Variants in LDLRAD4 observed in about 807,000 individuals in gnomAD.
LDLRAD4 encodes the protein low-density lipoprotein receptor class A domain-containing protein 4.
In LDLRAD4, 5 loss-of-function variants were observed where a neutral mutation model predicts 17.0. The ratio of observed to expected loss-of-function variants is 0.29; its 90% CI spans 0.15 to 0.62. The LOEUF (loss-of-function observed/expected upper bound fraction) is 0.62. Ranked by LOEUF, LDLRAD4 falls within the 20% of genes least tolerant of loss-of-function variation. The pLI, the probability that LDLRAD4 is intolerant of heterozygous loss-of-function variation, is 0.84. For synonymous variants in LDLRAD4, 168 were observed against 171.8 expected, an observed-to-expected ratio of 0.98 and a Z score of 0.17; for missense variants, 340 against 424.7, an observed-to-expected ratio of 0.80 and a Z score of 1.75.
At chr18:13,227,652 A>G (rs2041878382) in intron 1 of LDLRAD4, among the ~76,000 whole-genome samples, 1 of 152,234 alleles carries the variant, frequency 6.6e-6, no homozygotes, top group Non-Finnish European at 1.5e-5. Flanking sequence ...CACGTGGCTG[A>G]GGAGGCCTTG....
At chr18:13,565,379 CA>C (rs2094587114) in intron 3 of LDLRAD4, among the ~76,000 whole-genome samples, 1 of 143,048 alleles carries the variant, frequency 7.0e-6, no homozygotes. Flanking sequence ...TTGCCAGCGC[CA>C]AGCTGGGCCA....
chr18:13,595,399 G>A (rs2095083024), intron 3 of LDLRAD4, among the ~76,000 whole-genome samples: 1 of 152,032 alleles, frequency 6.6e-6, no homozygotes, highest in Non-Finnish European at 1.5e-5. Context: ...ATAAGTTTTG[G>A]TATGTTTTGC....
chr18:13,335,936 T>C (rs1051355478), intron 1 of LDLRAD4, among the ~76,000 whole-genome samples: 3 of 152,174 alleles, frequency 2.0e-5, no homozygotes, highest in Non-Finnish European at 4.4e-5. Context: ...CTGGGTAATT[T>C]ACAAAGAGGT....
At chr18:13,421,215 G>C (rs927739645) in intron 2 of LDLRAD4, 3 of 152,438 alleles carry the variant, frequency 2.0e-5, no homozygotes, top group Non-Finnish European at 4.4e-5. Flanking sequence ...GGGCCTGTGT[G>C]GGAATAGTTT....
At chr18:13,301,029 G>A (rs543527067) in intron 1 of LDLRAD4, among the ~76,000 whole-genome samples, 10 of 152,320 alleles carry the variant, frequency 6.6e-5, no homozygotes, top group African/African-American at 2.2e-4. Flanking sequence ...AGTGGGGCTC[G>A]TGTGTGCCCT....
intron 1 of LDLRAD4, among the ~76,000 whole-genome samples, chr18:13,322,140 A>T (rs1162702806): frequency 1.3e-5 from 2 of 151,806 alleles, no homozygotes; most frequent in East Asian, 3.9e-4. Context: ...GACACACTTA[A>T]CATAATTTGA....
chr18:13,597,261 A>G (rs1024180503), intron 3 of LDLRAD4, among the ~76,000 whole-genome samples: 3 of 152,224 alleles, frequency 2.0e-5, no homozygotes, highest in African/African-American at 7.2e-5. Flanking sequence ...TCTGGCTTTC[A>G]TTGTTTCTGA....
chr18:13,481,494 A>G (rs1168190817), intron 3 of LDLRAD4, among the ~76,000 whole-genome samples: 1 of 152,176 alleles, frequency 6.6e-6, no homozygotes, highest in Non-Finnish European at 1.5e-5. Flanking sequence ...ACGGTTGTGC[A>G]TGGCCCCGTC....
chr18:13,488,805 G>C (rs983486668), intron 3 of LDLRAD4: 4 of 152,380 alleles, frequency 2.6e-5, no homozygotes, highest in South Asian at 4.1e-4. Context: ...CCCAGAGCGC[G>C]GGGAGCGGCC....
chr18:13,531,357 C>G (rs1202432456), intron 3 of LDLRAD4, among the ~76,000 whole-genome samples: 1 of 151,796 alleles, frequency 6.6e-6, no homozygotes, highest in East Asian at 1.9e-4. Flanking sequence ...CATCTATAAT[C>G]TCAGCACTTT....
At chr18:13,246,052 C>G (rs1322591740) in intron 1 of LDLRAD4, among the ~76,000 whole-genome samples, 3 of 152,214 alleles carry the variant, frequency 2.0e-5, no homozygotes, top group Non-Finnish European at 4.4e-5. Flanking sequence ...ATTAAAAATG[C>G]ATTGTTAAAA....
At chr18:13,465,313 G>T (rs2092578488) in intron 3 of LDLRAD4, among the ~76,000 whole-genome samples, 1 of 152,190 alleles carries the variant, frequency 6.6e-6, no homozygotes, top group East Asian at 1.9e-4. Flanking sequence ...TGATTCTGAA[G>T]GTCAGATGGC....
At chr18:13,352,510 C>T (rs2083103031) in intron 1 of LDLRAD4, among the ~76,000 whole-genome samples, 1 of 152,114 alleles carries the variant, frequency 6.6e-6, no homozygotes, top group Non-Finnish European at 1.5e-5. Flanking sequence ...GTTCACTTCT[C>T]TCAGTACTTA....
chr18:13,400,580 A>G (rs1385133442), intron 2 of LDLRAD4, among the ~76,000 whole-genome samples: 1 of 152,186 alleles, frequency 6.6e-6, no homozygotes, highest in Non-Finnish European at 1.5e-5. Flanking sequence ...GACGGTGAAA[A>G]GAGTGTTTAT....
At chr18:13,642,587 G>A (rs1231723752) in intron 4 of LDLRAD4, 83 of 1,228,896 alleles carry the variant, frequency 6.8e-5, no homozygotes, top group Non-Finnish European at 8.0e-5. Context: ...GCCCAGGCTC[G>A]GAAAGGGCCG....
rs1464003377 is a variant in LDLRAD4, at chr18:13,398,371, G to T, written c.40+10609G>T. Reference sequence around the variant, plus strand: ...GGTGGTGATGCTTGCGTAGCAGTGTGAGAGTGCAAACCTGAAAATGGGAAA... The same window carrying T: ...GGTGGTGATGCTTGCGTAGCAGTGTTAGAGTGCAAACCTGAAAATGGGAAA... On this transcript the variant is annotated intron_variant, in intron 2 of 5. Coordinates refer to ENST00000359446, the Ensembl canonical transcript of LDLRAD4. The surrounding 1 kb of genome is among the most constrained non-coding windows in gnomAD (Gnocchi z 4.8). Among the ~76,000 whole-genome samples the T allele has an allele frequency of 6.6e-6, 1 of 151,424 alleles. No individual in the cohort carries two copies. Among genetic ancestry groups the T allele is most frequent in the Non-Finnish European group, 1.5e-5 (1 of 67,874 alleles).
chr18:13,453,333 G>T (rs2091948879), intron 3 of LDLRAD4, among the ~76,000 whole-genome samples: 2 of 152,140 alleles, frequency 1.3e-5, no homozygotes, highest in Admixed American at 6.5e-5. Context: ...GTTTTTCTTG[G>T]AGGCCCAGCC....
chr18:13,301,303 AGTAACC>A (rs2046585156), intron 1 of LDLRAD4, among the ~76,000 whole-genome samples: 1 of 152,192 alleles, frequency 6.6e-6, no homozygotes, highest in Admixed American at 6.5e-5. Context: ...GTCAGCGCAG[AGTAACC>A]TGTGCTGGAC....
intron 3 of LDLRAD4, among the ~76,000 whole-genome samples, chr18:13,493,016 G>T (rs1168403118): frequency 2.0e-5 from 3 of 152,118 alleles, no homozygotes; most frequent in Admixed American, 6.5e-5. Flanking sequence ...CAGTTTGGGA[G>T]GCTGAGGCAG....
Sources: allele counts gnomAD v4.1 joint callset (sites outside exome capture counted in the v4.1 genomes callset), GRCh38; gene constraint gnomAD v4.1.1; non-coding constraint Gnocchi (gnomAD v3.1); transcripts MANE v1.5; gene names NCBI Gene and HGNC (gene_info 2026-07-23, HGNC 2026-07-21).